The following SLC12A8 variants were observed in gnomAD, a reference collection of about 807,000 sequenced individuals.
SLC12A8 encodes solute carrier family 12 member 8.
Under a neutral mutation model 75.6 loss-of-function variants are expected in SLC12A8, and 69 were observed. That is an observed-to-expected ratio of 0.91 (90% CI 0.75 to 1.11). The LOEUF (loss-of-function observed/expected upper bound fraction) is 1.11. Ranked by LOEUF, SLC12A8 falls within the 50% of genes most tolerant of loss-of-function variation. The pLI, the probability that SLC12A8 is intolerant of heterozygous loss-of-function variation, is 0.00. For missense variants in SLC12A8, 877 were observed against 896.7 expected (o/e 0.98, Z 0.28); for synonymous variants, 365 against 372.8 (o/e 0.98, Z 0.24).
At chr3:125,183,753 T>A (rs1934712176) in intron 4 of SLC12A8, among the ~76,000 whole-genome samples, 1 of 152,066 alleles carries the variant, frequency 6.6e-6, no homozygotes, top group Non-Finnish European at 1.5e-5. Context: ...GACATTTTGG[T>A]GTTCAGGGTA....
At chr3:125,114,924 C>T (rs534857463) in intron 8 of SLC12A8, among the ~76,000 whole-genome samples, 1 of 152,264 alleles carries the variant, frequency 6.6e-6, no homozygotes, top group East Asian at 1.9e-4. Context: ...TTATACAATT[C>T]CTTTTCTAAC....
chr3:125,135,303 G>A (rs1309104513), intron 6 of SLC12A8, among the ~76,000 whole-genome samples: 1 of 152,208 alleles, frequency 6.6e-6, no homozygotes, highest in Non-Finnish European at 1.5e-5. Context: ...GGCTTGTCCT[G>A]CTGAGGAATC....
intron 2 of SLC12A8, among the ~76,000 whole-genome samples, chr3:125,202,030 C>T (rs985680682): frequency 1.3e-5 from 2 of 152,188 alleles, no homozygotes; most frequent in African/African-American, 4.8e-5. Flanking sequence ...ACCTCAGCCT[C>T]CTGAGTAGCT....
At chr3:125,174,289 G>T (rs1485928157) in intron 5 of SLC12A8, among the ~76,000 whole-genome samples, 1 of 152,130 alleles carries the variant, frequency 6.6e-6, no homozygotes, top group African/African-American at 2.4e-5. Context: ...ATATTACTAT[G>T]CATCTACTAG....
At chr3:125,120,753 C>T in intron 6 of SLC12A8, 67 bp from the exon 7 acceptor site, 1 of 1,215,618 alleles carries the variant, frequency 8.2e-7, no homozygotes, top group South Asian at 1.3e-5. Context: ...CCCAGGGCTG[C>T]CCCTTCCTCT....
chr3:125,135,320 G>C (rs1933459580), intron 6 of SLC12A8, among the ~76,000 whole-genome samples: 1 of 152,198 alleles, frequency 6.6e-6, no homozygotes, highest in Admixed American at 6.5e-5. Context: ...AATCCGTCCT[G>C]TTCAGCCCTA....
At chr3:125,104,763 G>A (rs943331501) in intron 10 of SLC12A8, among the ~76,000 whole-genome samples, 1 of 152,208 alleles carries the variant, frequency 6.6e-6, no homozygotes, top group Non-Finnish European at 1.5e-5. Flanking sequence ...AAGTTGGAAT[G>A]GGACTTTTGA....
In SLC12A8 at chr3:125,198,173, T is replaced by A. The variant is rs1313618857; in HGVS notation, c.52-7652A>T. On this transcript the variant is annotated intron_variant, in intron 2 of 13. Coordinates refer to ENST00000469902, the MANE Select transcript of SLC12A8 (RefSeq NM_024628.6). ...TCATGCCCCAAACTGAGGGACATCA[T>A]CCCCAATTCTGCCTATAAAATACAA... is the stretch of plus-strand genomic sequence containing the variant. 2.0e-5 allele frequency among the ~76,000 whole-genome samples: 3 copies of A among 147,818 alleles called. No homozygotes were observed. The South Asian group carries it at 6.4e-4, about 31-fold the overall frequency.
intron 2 of SLC12A8, among the ~76,000 whole-genome samples, chr3:125,190,880 G>A (rs116526562): frequency 2.0e-4 from 30 of 152,346 alleles, no homozygotes; most frequent in Non-Finnish European, 4.1e-4. Context: ...AAGTGGCTGT[G>A]TGACTGAGTT....
chr3:125,115,877 G>A (rs1049346666), intron 8 of SLC12A8, among the ~76,000 whole-genome samples: 1 of 152,134 alleles, frequency 6.6e-6, no homozygotes, highest in African/African-American at 2.4e-5. Context: ...GAGATGCGCC[G>A]GCTCAGAACT....
In SLC12A8 at chr3:125,187,319, C is replaced by T; in HGVS notation, c.308G>A (p.Ser103Asn). Reference sequence around the variant, plus strand: ...GGAGATCATGGAGTAGACGCCACCGCTGCCGATGCTGCTGCGCTCCCCGAC... The same window carrying T: ...GGAGATCATGGAGTAGACGCCACCGTTGCCGATGCTGCTGCGCTCCCCGAC... ...IGVGERSSIG[S>N]GGVYSMISSV... The change falls in exon 4 of 14, where the codon AGC becomes AAC. Residue 103 changes from serine (S) to asparagine (N), a missense_variant. Ser to Asn is a conservative substitution (Grantham distance 46). Transcript: ENST00000469902. 2 of 1,614,220 alleles carry T rather than the reference C, an allele frequency of 1.2e-6. No individual in the cohort carries two copies. The highest frequency in any genetic ancestry group is 8.5e-7 in the Non-Finnish European group (1 of 1,180,030).
At chr3:125,089,035 A>G (rs1008661780) in intron 12 of SLC12A8, among the ~76,000 whole-genome samples, 16 of 152,252 alleles carry the variant, frequency 1.1e-4, no homozygotes, top group African/African-American at 3.6e-4. Flanking sequence ...ATATAACTTT[A>G]GAGAAACAAA....
At chr3:125,185,316 G>A (rs1051963694) in intron 4 of SLC12A8, among the ~76,000 whole-genome samples, 10 of 149,092 alleles carry the variant, frequency 6.7e-5, no homozygotes, top group Admixed American at 1.3e-4. Context: ...GCAAAACGGC[G>A]TCTCAAAAAC....
chr3:125,088,147 G>T, intron 13 of SLC12A8, 163 bp downstream of exon 13: 1 of 621,284 alleles, frequency 1.6e-6, no homozygotes, highest in Non-Finnish European at 2.9e-6. Context: ...GAGTGTGGTG[G>T]AGTGCACGCA....
chr3:125,088,226 C>T lies in SLC12A8; in HGVS notation c.1982+84G>A, dbSNP rs1938507774. ...CCCATGCCACAATCCAGGCCCAAGC[C>T]CAGCCAGGAATGGGACACCCTTGGC... On this transcript the variant is annotated intron_variant, in intron 13 of 13. Transcript: ENST00000469902. The T allele has an allele frequency of 4.9e-6, 7 of 1,417,482 alleles. No homozygotes were observed. In the Admixed American group the frequency reaches 1.2e-4, roughly 24 times the overall value. 87.8% of individuals were successfully genotyped at this position (1,417,482 alleles called of 1,614,324 possible). A position where few individuals can be genotyped will look rare whatever the true frequency, so the allele number is the denominator to read the frequency against.
intron 6 of SLC12A8, among the ~76,000 whole-genome samples, chr3:125,125,138 G>T (rs1242891241): frequency 7.0e-5 from 10 of 143,390 alleles, no homozygotes; most frequent in African/African-American, 2.3e-4. Context: ...TTTTTTTAAA[G>T]AAATGAAAAC....
At chr3:125,205,226 TC>T (rs1452754332) in intron 2 of SLC12A8, among the ~76,000 whole-genome samples, 6 of 152,190 alleles carry the variant, frequency 3.9e-5, no homozygotes, top group Admixed American at 3.9e-4. Flanking sequence ...CCCCTGAGCA[TC>T]CCTGGTGCTT....
chr3:125,098,457 T>C (rs923146116), intron 10 of SLC12A8, among the ~76,000 whole-genome samples: 17 of 152,164 alleles, frequency 1.1e-4, no homozygotes, highest in African/African-American at 3.9e-4. Context: ...TTAAACAGTT[T>C]TGTGTTTCTT....
chr3:125,105,126 GA>G (rs1008729819), intron 10 of SLC12A8, among the ~76,000 whole-genome samples: 2 of 140,714 alleles, frequency 1.4e-5, no homozygotes, highest in African/African-American at 2.6e-5. Context: ...AAATATCCCA[GA>G]AAAAAACAAC....
Sources: allele counts gnomAD v4.1 joint callset (sites outside exome capture counted in the v4.1 genomes callset), GRCh38; gene constraint gnomAD v4.1.1; transcripts MANE v1.5; gene names NCBI Gene and HGNC (gene_info 2026-07-23, HGNC 2026-07-21).